GPC5: variants seen among roughly 807,000 people sequenced by gnomAD.
GPC5 encodes glypican-5.
In GPC5, 47 loss-of-function variants were observed where a neutral mutation model predicts 53.9. The observed-to-expected ratio is 0.87, with a 90% CI of 0.69 to 1.11. The LOEUF (loss-of-function observed/expected upper bound fraction) is 1.11. Ranked by LOEUF, GPC5 falls within the 50% of genes most tolerant of loss-of-function variation. The pLI is 0.00. For missense variants in GPC5, 748 were observed against 713.1 expected (o/e 1.05, Z -0.56); for synonymous variants, 286 against 263.3 (o/e 1.09, Z -0.84).
At chr13:92,748,770 T>C (rs1475244906) in intron 7 of GPC5, among the ~76,000 whole-genome samples, 1 of 152,204 alleles carries the variant, frequency 6.6e-6, no homozygotes, top group African/African-American at 2.4e-5. Flanking sequence ...AATAGAAATA[T>C]CCTTTTTCTG....
At chr13:92,808,564 T>C (rs1243297407) in intron 7 of GPC5, among the ~76,000 whole-genome samples, 1 of 152,030 alleles carries the variant, frequency 6.6e-6, no homozygotes, top group African/African-American at 2.4e-5. Flanking sequence ...TTAGCAAGTA[T>C]CTATAACACT....
At chr13:92,015,586 T>G (rs2040699662) in intron 6 of GPC5, among the ~76,000 whole-genome samples, 1 of 152,182 alleles carries the variant, frequency 6.6e-6, no homozygotes, top group Non-Finnish European at 1.5e-5. Context: ...GTAGTAAAAC[T>G]CAAAGAGATC....
chr13:91,986,104 C>T (rs1453152007), intron 6 of GPC5, among the ~76,000 whole-genome samples: 27 of 109,772 alleles, frequency 2.5e-4, no homozygotes, highest in African/African-American at 9.5e-4. Context: ...CTTGCTGTGT[C>T]GCCCAGGCTG....
At chr13:91,770,665 T>C (rs1268353143) in intron 5 of GPC5, among the ~76,000 whole-genome samples, 2 of 151,406 alleles carry the variant, frequency 1.3e-5, no homozygotes, top group Non-Finnish European at 2.9e-5. Context: ...CAGTCGCCGC[T>C]TTAGGAGCTC....
At chr13:92,562,359 T>G (rs1259267290) in intron 7 of GPC5, among the ~76,000 whole-genome samples, 3 of 152,070 alleles carry the variant, frequency 2.0e-5, no homozygotes, top group Non-Finnish European at 4.4e-5. Context: ...CTCTCCACTC[T>G]CAGTCCTTCT....
At chr13:91,984,447 G>C (rs760283498) in intron 6 of GPC5, among the ~76,000 whole-genome samples, 1 of 152,060 alleles carries the variant, frequency 6.6e-6, no homozygotes, top group Non-Finnish European at 1.5e-5. Flanking sequence ...TGCACTTTAC[G>C]TGGTACTCTT....
chr13:92,417,085 A>T (rs568295552), intron 7 of GPC5, among the ~76,000 whole-genome samples: 2 of 152,250 alleles, frequency 1.3e-5, no homozygotes, highest in Non-Finnish European at 2.9e-5. Context: ...GTTGTAAGTC[A>T]AGGAGTGCAC....
At chr13:91,729,422 C>T (rs912813406) in intron 4 of GPC5, among the ~76,000 whole-genome samples, 4 of 152,200 alleles carry the variant, frequency 2.6e-5, no homozygotes, top group African/African-American at 9.6e-5. Context: ...TAAGTCAGTA[C>T]TTTTTGAATT....
At chr13:91,624,158 A>G (rs1176163781) in intron 2 of GPC5, among the ~76,000 whole-genome samples, 1 of 152,164 alleles carries the variant, frequency 6.6e-6, no homozygotes, top group Non-Finnish European at 1.5e-5. Context: ...AAGGAGTTCT[A>G]CCAATTGCTA....
chr13:92,136,113 A>C (rs1230281313), intron 6 of GPC5, among the ~76,000 whole-genome samples: 1 of 152,142 alleles, frequency 6.6e-6, no homozygotes, highest in Non-Finnish European at 1.5e-5. Flanking sequence ...TATGCTCTAA[A>C]TAGTGAGTCA....
chr13:91,614,729 C>T lies in GPC5; in HGVS notation c.326-78458C>T, dbSNP rs73603981. On this transcript the variant is annotated intron_variant, in intron 2 of 7. Transcript: ENST00000377067. ...CTGACAGTGGAGTTATAAAACTTCTCTGTGGGATTCAGGGACCAGTAGAAG... is the reference window on the plus strand; with the variant it reads ...CTGACAGTGGAGTTATAAAACTTCTTTGTGGGATTCAGGGACCAGTAGAAG... Among the ~76,000 whole-genome samples, 984 of 152,194 alleles carry T rather than the reference C, an allele frequency of 6.5e-3. 12 individuals are homozygous for T. The highest frequency in any genetic ancestry group is 0.023 in the African/African-American group (950 of 41,528).
intron 7 of GPC5, among the ~76,000 whole-genome samples, chr13:92,735,158 T>C (rs1165987774): frequency 6.6e-6 from 1 of 151,922 alleles, no homozygotes; most frequent in Non-Finnish European, 1.5e-5. Flanking sequence ...TCTTTAAAAG[T>C]CTCAAGGAGC....
intron 2 of GPC5, among the ~76,000 whole-genome samples, chr13:91,505,586 A>G (rs1045870649): frequency 6.6e-6 from 1 of 152,212 alleles, no homozygotes; most frequent in African/African-American, 2.4e-5. Flanking sequence ...AAGTTTCACA[A>G]ATCTGACAAC....
At chr13:92,198,945 A>G (rs2042275612) in intron 7 of GPC5, among the ~76,000 whole-genome samples, 1 of 152,290 alleles carries the variant, frequency 6.6e-6, no homozygotes. Flanking sequence ...GATGATAAGT[A>G]TTTTTCATAA....
At chr13:92,112,274 G>A (rs903965425) in intron 6 of GPC5, among the ~76,000 whole-genome samples, 5 of 152,090 alleles carry the variant, frequency 3.3e-5, no homozygotes, top group African/African-American at 7.2e-5. Flanking sequence ...AATAATTATC[G>A]ATAAGGTAAC....
chr13:91,925,087 G>A (rs1416357125), intron 6 of GPC5, among the ~76,000 whole-genome samples: 3 of 152,122 alleles, frequency 2.0e-5, no homozygotes, highest in African/African-American at 4.8e-5. Context: ...CCAAAGTGCC[G>A]GGATTACAGG....
At position 92,866,387 on chromosome 13, in the gene GPC5, C is replaced by T; in HGVS notation, c.1667C>T (p.Ser556Phe). Reference protein sequence around the residue: ...TGAGCAVATESMTFTLISVVM... With the variant: ...TGAGCAVATEFMTFTLISVVM... ...GCAGGATGTGCAGTGGCGACTGAATCTATGACATTCACTCTGATAAGTGTG... is the reference window on the plus strand; with the variant it reads ...GCAGGATGTGCAGTGGCGACTGAATTTATGACATTCACTCTGATAAGTGTG... Residue 556 changes from serine to phenylalanine, a missense_variant, in exon 8 of 8, where the codon TCT (serine) becomes TTT (phenylalanine). Transcript: ENST00000377067. The T allele has an allele frequency of 1.2e-6, 2 of 1,612,364 alleles. No individual in the cohort carries two copies. Among genetic ancestry groups the T allele is most frequent in the Non-Finnish European group, 1.7e-6 (2 of 1,178,894 alleles).
In GPC5 at chr13:92,165,291, A is replaced by T. The variant is rs142843868; in HGVS notation, c.1561+20302A>T. On this transcript the variant is annotated intron_variant, in intron 7 of 7. Coordinates refer to ENST00000377067, the MANE Select transcript of GPC5 (RefSeq NM_004466.6). ...ACTTCCCTTTTAAAAATAAGTTCCA[A>T]TTCCAAATCATATCTTTGTAAATGA... 1.6e-3 allele frequency among the ~76,000 whole-genome samples: 244 copies of T among 152,320 alleles called. 1 individual carries two copies. The highest frequency in any genetic ancestry group is 5.4e-3 in the African/African-American group (225 of 41,570).
At chr13:92,441,934 G>A (rs1282411191) in intron 7 of GPC5, among the ~76,000 whole-genome samples, 1 of 152,136 alleles carries the variant, frequency 6.6e-6, no homozygotes, top group African/African-American at 2.4e-5. Context: ...TATATGTTAA[G>A]GCAAGTGGCC....
Sources: allele counts gnomAD v4.1 joint callset (sites outside exome capture counted in the v4.1 genomes callset), GRCh38; gene constraint gnomAD v4.1.1; transcripts MANE v1.5; gene names NCBI Gene and HGNC (gene_info 2026-07-23, HGNC 2026-07-21).